CASK: variants seen among roughly 807,000 people sequenced by gnomAD.
The protein encoded by CASK is peripheral plasma membrane protein CASK.
In CASK, 4 loss-of-function variants were observed where a neutral mutation model predicts 82.9. The observed-to-expected ratio is 0.05, with a 90% CI of 0.02 to 0.11. The LOEUF (loss-of-function observed/expected upper bound fraction) is 0.11, where lower values mean the gene tolerates loss of function less well. CASK is among the 10% of genes least tolerant of loss of function. CASK has a pLI of 1.00. For missense variants in CASK, 358 were observed against 720.9 expected (o/e 0.50, Z 5.76); for synonymous variants, 259 against 253.5 (o/e 1.02, Z -0.20).
At chrX:41,533,476 T>G (rs1017757613) in intron 24 of CASK, among the ~76,000 whole-genome samples, 1 of 112,241 alleles carries the variant, frequency 8.9e-6, no homozygotes, top group Non-Finnish European at 1.9e-5. Context: ...GGTTTTCTCA[T>G]GAAGCCTCCT....
chrX:41,678,592 T>C (rs2067304697), intron 5 of CASK, among the ~76,000 whole-genome samples: 1 of 111,335 alleles, frequency 9.0e-6, no homozygotes, highest in Non-Finnish European at 1.9e-5. Context: ...GATTGAGCAG[T>C]GGGTTCAGGT....
chrX:41,703,982 CTCAT>C (rs2067843706), intron 5 of CASK, among the ~76,000 whole-genome samples: 2 of 111,423 alleles, frequency 1.8e-5, no homozygotes, highest in African/African-American at 6.5e-5. Context: ...ATACTTTTTG[CTCAT>C]TCAGTTTTCT....
rs2068886825 is a variant in CASK, at chrX:41,755,958, C to T, written c.279-10357G>A. Among the ~76,000 whole-genome samples, 4 of 111,926 alleles carry T rather than the reference C, an allele frequency of 3.6e-5. No individual in the cohort carries two copies. The South Asian group carries it at 1.5e-3, about 42-fold the overall frequency. ...ACTCAATATTGTAAACAGCCGATGT[C>T]TTCCAAGTTGAAGCATAGATTCAAC... On this transcript the variant is annotated intron_variant, in intron 3 of 26. Transcript: ENST00000378163.
At position 41,849,947 on chromosome X, in the gene CASK, G is replaced by A. The variant is rs183928844; in HGVS notation, c.172+3168C>T. ...TAATCCCAACACTTTGGGAGGCCGAGGTGGGTAGATCACTTGAGCTCAGGA... is the reference window on the plus strand; with the variant it reads ...TAATCCCAACACTTTGGGAGGCCGAAGTGGGTAGATCACTTGAGCTCAGGA... On this transcript the variant is annotated intron_variant, in intron 2 of 26. Transcript: ENST00000378163. Among the ~76,000 whole-genome samples the A allele has an allele frequency of 3.1e-3, 348 of 112,181 alleles. 1 individual carries two copies. Among genetic ancestry groups the A allele is most frequent in the African/African-American group, 0.011 (327 of 30,923 alleles).
intron 11 of CASK, among the ~76,000 whole-genome samples, chrX:41,620,720 A>G (rs758655303): frequency 2.4e-4 from 27 of 112,189 alleles, no homozygotes; most frequent in African/African-American, 8.4e-4. Flanking sequence ...TTTGTTATCA[A>G]TCAAGTTATA....
At chrX:41,777,297 G>T (rs2069382853) in intron 3 of CASK, among the ~76,000 whole-genome samples, 1 of 110,194 alleles carries the variant, frequency 9.1e-6, no homozygotes, top group African/African-American at 3.3e-5. Flanking sequence ...TTTGAGACCA[G>T]CCTAGCCAAC....
chrX:41,803,868 G>T (rs2070056034), intron 2 of CASK, among the ~76,000 whole-genome samples: 1 of 102,067 alleles, frequency 9.8e-6, no homozygotes, highest in Non-Finnish European at 2.1e-5. Context: ...GGTTACAGAA[G>T]AAACAGCAAA....
At chrX:41,525,552 C>T (rs902548691) in intron 25 of CASK, among the ~76,000 whole-genome samples, 2 of 111,392 alleles carry the variant, frequency 1.8e-5, no homozygotes, top group Non-Finnish European at 3.8e-5. Context: ...AAACCCAAGA[C>T]CCCAGGGACT....
chrX:41,892,175 A>G (rs1569478346), intron 1 of CASK, among the ~76,000 whole-genome samples: 1 of 109,853 alleles, frequency 9.1e-6, no homozygotes, highest in Non-Finnish European at 1.9e-5. Flanking sequence ...CCTGGGTGAC[A>G]GACTGAGACC....
At chrX:41,839,010 G>C (rs750461214) in intron 2 of CASK, among the ~76,000 whole-genome samples, 1 of 111,375 alleles carries the variant, frequency 9.0e-6, no homozygotes, top group Non-Finnish European at 1.9e-5. Flanking sequence ...ATCAAGCTAC[G>C]TGTCTATCTC....
At chrX:41,864,294 C>T (rs763538708) in intron 1 of CASK, among the ~76,000 whole-genome samples, 1 of 111,465 alleles carries the variant, frequency 9.0e-6, no homozygotes, top group East Asian at 2.8e-4. Context: ...ATGTAATTAC[C>T]TAACACTCTA....
intron 3 of CASK, among the ~76,000 whole-genome samples, chrX:41,770,945 C>T (rs780252978): frequency 1.8e-5 from 2 of 111,078 alleles, no homozygotes; most frequent in East Asian, 5.6e-4. Flanking sequence ...GGTCACAAAG[C>T]TGACGAAAGA....
At chrX:41,780,900 T>C (rs752307789) in intron 3 of CASK, among the ~76,000 whole-genome samples, 4 of 111,052 alleles carry the variant, frequency 3.6e-5, no homozygotes, top group Non-Finnish European at 7.5e-5. Flanking sequence ...CCACCTACCT[T>C]AGCCTCCCAA....
rs202085256 is a variant in CASK at position 41,645,660 on chromosome X, TCTC to T, written c.832-9002_832-9000del. Reference sequence around the variant, plus strand: ...GGAGACCCATCTAACTAATCCCACTTCTCCTGATTACTTTTCTTTTTCTCCTTA... The same window carrying T: ...GGAGACCCATCTAACTAATCCCACTTCTGATTACTTTTCTTTTTCTCCTTA... On this transcript the variant is annotated intron_variant, in intron 8 of 26. Transcript: ENST00000378163. Among the ~76,000 whole-genome samples the T allele has an allele frequency of 6.7e-4, 75 of 111,240 alleles. No homozygotes were observed. The East Asian group carries it at 0.021, about 31-fold the overall frequency.
intron 5 of CASK, among the ~76,000 whole-genome samples, chrX:41,692,327 A>T (rs2067584034): frequency 9.0e-6 from 1 of 111,585 alleles, no homozygotes; most frequent in Non-Finnish European, 1.9e-5. Context: ...GGAGCCAAGC[A>T]CTGGTATCTT....
chrX:41,566,661 C>T lies in CASK; in HGVS notation c.1582+3007G>A, dbSNP rs775163607. Among the ~76,000 whole-genome samples, 73 of 111,321 alleles carry T rather than the reference C, an allele frequency of 6.6e-4. 1 individual carries two copies. Among genetic ancestry groups the T allele is most frequent in the East Asian group, 5.1e-3 (18 of 3,510 alleles). On this transcript the variant is annotated intron_variant, in intron 16 of 26. Transcript: ENST00000378163. The stretch of plus-strand genomic sequence containing the variant: ...ATATCATGAAAATGGCTATACTGCC[C>T]AAAGTAATTTATAGATTCAATGCCA...
At chrX:41,887,431 T>A (rs1422080723) in intron 1 of CASK, among the ~76,000 whole-genome samples, 4 of 109,804 alleles carry the variant, frequency 3.6e-5, no homozygotes, top group Non-Finnish European at 7.6e-5. Flanking sequence ...GTATGATACA[T>A]CTCTATTATT....
At position 41,877,005 on chromosome X, in the gene CASK, T is replaced by G. The variant is rs746253821; in HGVS notation, c.60-23778A>C. Among the ~76,000 whole-genome samples, 3 of 111,628 alleles carry G rather than the reference T, an allele frequency of 2.7e-5. No individual in the cohort carries two copies. In the East Asian group the frequency reaches 8.5e-4, roughly 31 times the overall value. On this transcript the variant is annotated intron_variant, in intron 1 of 26. Transcript: ENST00000378163. ...GTCCAGTTCTAGCTTTGCAACTAAC[T>G]GGTTATATATTTTTAAGTTACAGTC...
At chrX:41,874,349 C>T (rs979643517) in intron 1 of CASK, among the ~76,000 whole-genome samples, 8 of 110,935 alleles carry the variant, frequency 7.2e-5, no homozygotes, top group African/African-American at 1.3e-4. Context: ...GCTACAGGCC[C>T]GAGTGTGTGT....
Sources: gnomAD v4.1 joint callset for allele counts (sites outside exome capture counted in the v4.1 genomes callset) on GRCh38, gnomAD v4.1.1 for gene constraint, MANE v1.5 for transcripts, NCBI Gene and HGNC (gene_info 2026-07-23, HGNC 2026-07-21) for gene names.